Variants in IGF2BP3 observed in about 807,000 individuals in gnomAD.
IGF2BP3 encodes the protein insulin like growth factor 2 mRNA binding protein 3, also known as insulin-like growth factor 2 mRNA-binding protein 3.
In IGF2BP3, 9 loss-of-function variants were observed where a neutral mutation model predicts 73.8. That is an observed-to-expected ratio of 0.12 (90% CI 0.07 to 0.21). The LOEUF (loss-of-function observed/expected upper bound fraction) is 0.21, where lower values mean the gene tolerates loss of function less well. IGF2BP3 is among the 10% of genes least tolerant of loss of function. The probability of loss-of-function intolerance (pLI) is 1.00; values close to 1 mark genes in which losing one functional copy is unlikely to be tolerated. For missense variants in IGF2BP3, 542 were observed against 714.0 expected (o/e 0.76, Z 2.75); for synonymous variants, 258 against 256.7 (o/e 1.01, Z -0.05).
At chr7:23,407,295 A>G (rs1786864779) in intron 3 of IGF2BP3, among the ~76,000 whole-genome samples, 1 of 151,222 alleles carries the variant, frequency 6.6e-6, no homozygotes, top group South Asian at 2.1e-4. Flanking sequence ...TACTGAAGAT[A>G]TTGAATTTGA....
At chr7:23,388,838 C>T (rs1786175967) in intron 3 of IGF2BP3, among the ~76,000 whole-genome samples, 1 of 152,148 alleles carries the variant, frequency 6.6e-6, no homozygotes, top group African/African-American at 2.4e-5. Flanking sequence ...GAGACCTACA[C>T]ATAAATGTTC....
chr7:23,318,864 T>C (rs1401136746), intron 11 of IGF2BP3, among the ~76,000 whole-genome samples: 1 of 152,180 alleles, frequency 6.6e-6, no homozygotes, highest in African/African-American at 2.4e-5. Flanking sequence ...ACCAAGGCCG[T>C]ACCTGGGGAA....
chr7:23,430,999 G>A (rs922769180), intron 2 of IGF2BP3, among the ~76,000 whole-genome samples: 1 of 152,128 alleles, frequency 6.6e-6, no homozygotes, highest in African/African-American at 2.4e-5. Flanking sequence ...ACTGTTCACT[G>A]AAAAAAGTGC....
chr7:23,401,351 G>C (rs943687218), intron 3 of IGF2BP3, among the ~76,000 whole-genome samples: 2 of 152,146 alleles, frequency 1.3e-5, no homozygotes, highest in African/African-American at 4.8e-5. Context: ...GCAGCATCAT[G>C]AACTGCCGGG....
intron 2 of IGF2BP3, among the ~76,000 whole-genome samples, chr7:23,426,471 A>G (rs1000574936): frequency 2.6e-5 from 4 of 152,194 alleles, no homozygotes; most frequent in African/African-American, 9.6e-5. Context: ...GTATGTTCAA[A>G]TCAGTATTCA....
intron 3 of IGF2BP3, among the ~76,000 whole-genome samples, chr7:23,404,212 A>C (rs183575882): frequency 6.6e-6 from 1 of 152,232 alleles, no homozygotes; most frequent in East Asian, 1.9e-4. Context: ...GTGTGATATT[A>C]AGTTACTCTA....
At chr7:23,456,457 G>A (rs560576506) in intron 2 of IGF2BP3, among the ~76,000 whole-genome samples, 1 of 152,326 alleles carries the variant, frequency 6.6e-6, no homozygotes, top group South Asian at 2.1e-4. Context: ...AGTTTCTGAA[G>A]TAGGATGCAA....
intron 2 of IGF2BP3, among the ~76,000 whole-genome samples, chr7:23,433,508 A>C (rs369609215): frequency 3.4e-5 from 5 of 149,048 alleles, no homozygotes; most frequent in East Asian, 3.9e-4. Flanking sequence ...TTTTTGAGAC[A>C]GGGTTTTTGC....
chr7:23,423,945 T>G (rs1162872540), intron 2 of IGF2BP3, among the ~76,000 whole-genome samples: 1 of 151,274 alleles, frequency 6.6e-6, no homozygotes, highest in African/African-American at 2.4e-5. Flanking sequence ...TGGTGAAACC[T>G]CGTCTCTACT....
intron 2 of IGF2BP3, among the ~76,000 whole-genome samples, chr7:23,461,016 G>A (rs1788439111): frequency 6.6e-6 from 1 of 152,068 alleles, no homozygotes; most frequent in Non-Finnish European, 1.5e-5. Flanking sequence ...CTGAAAGAAA[G>A]GTTACATCCC....
intron 5 of IGF2BP3, among the ~76,000 whole-genome samples, chr7:23,352,363 A>G (rs1784986935): frequency 1.5e-5 from 2 of 134,988 alleles, no homozygotes; most frequent in East Asian, 4.3e-4. Context: ...ATCTTGGCTC[A>G]CTGCAACCTC....
intron 12 of IGF2BP3, among the ~76,000 whole-genome samples, chr7:23,315,018 G>A (rs1210643732): frequency 6.6e-6 from 1 of 152,180 alleles, no homozygotes; most frequent in East Asian, 1.9e-4. Context: ...GGCCAGGCTG[G>A]TCTTGAACTC....
intron 3 of IGF2BP3, among the ~76,000 whole-genome samples, chr7:23,373,143 C>T (rs1383866473): frequency 6.6e-6 from 1 of 152,190 alleles, no homozygotes; most frequent in East Asian, 1.9e-4. Context: ...TATTAACTCC[C>T]ATGTATCCCC....
rs1195063330 is a variant in IGF2BP3 at position 23,426,320 on chromosome 7, CAAAAAAAAAAA to C, written c.237-7507_237-7497del. Among the ~76,000 whole-genome samples the C allele has an allele frequency of 7.2e-4, 33 of 46,140 alleles. 1 individual carries two copies. The Admixed American group carries it at 7.2e-3, about 10-fold the overall frequency. 30.3% of individuals were successfully genotyped at this position (46,140 alleles called of 152,430 possible). On this transcript the variant is annotated intron_variant, in intron 2 of 14. Coordinates refer to ENST00000258729, the MANE Select transcript of IGF2BP3 (RefSeq NM_006547.3). The stretch of plus-strand genomic sequence containing the variant: ...GGGCAGTAAGAGCAAAATTCTGTCT[CAAAAAAAAAAA>C]AAAAAAAAAGGGGGGTGGGGCCAAA...
chr7:23,355,396 T>C (rs1001043031), intron 5 of IGF2BP3, among the ~76,000 whole-genome samples: 3 of 150,942 alleles, frequency 2.0e-5, no homozygotes, highest in African/African-American at 7.3e-5. Flanking sequence ...TAATTTTGTA[T>C]TTTTTTTTCT....
chr7:23,457,447 A>C (rs1338005585), intron 2 of IGF2BP3, among the ~76,000 whole-genome samples: 1 of 152,024 alleles, frequency 6.6e-6, no homozygotes, highest in African/African-American at 2.4e-5. Flanking sequence ...CCTGGGCGAG[A>C]CCAAGACCCT....
chr7:23,427,815 G>A (rs762488194), intron 2 of IGF2BP3, among the ~76,000 whole-genome samples: 3 of 152,088 alleles, frequency 2.0e-5, no homozygotes, highest in Non-Finnish European at 4.4e-5. Context: ...AGACCAGCCT[G>A]GCCAAGATGG....
chr7:23,332,800 A>G (rs181349097), intron 10 of IGF2BP3, among the ~76,000 whole-genome samples: 1 of 152,134 alleles, frequency 6.6e-6, no homozygotes, highest in African/African-American at 2.4e-5. Context: ...AACTGTGCTC[A>G]ATGTTAGCAT....
rs1788677897 is a variant in IGF2BP3 at position 23,470,012 on chromosome 7, G to A, written c.99C>T (p.Phe33=). The A allele has an allele frequency of 6.2e-7, 1 of 1,612,772 alleles. No homozygotes were observed. Among genetic ancestry groups the A allele is most frequent in the Non-Finnish European group, 8.5e-7 (1 of 1,179,740 alleles). The change falls in exon 1 of 15, where the codon TTC becomes TTT. Residue 33 remains phenylalanine, a synonymous_variant. Coordinates refer to ENST00000258729, the MANE Select transcript of IGF2BP3 (RefSeq NM_006547.3). ...KDAKIPVSGP[F]LVKTGYAFVD... ...CGAACGCGTAGCCAGTCTTCACCAG[G>A]AAGGGTCCCGACACCGGGATCTTGG...
Sources: gnomAD v4.1 joint callset for allele counts (sites outside exome capture counted in the v4.1 genomes callset) on GRCh38, gnomAD v4.1.1 for gene constraint, MANE v1.5 for transcripts, NCBI Gene and HGNC (gene_info 2026-07-23, HGNC 2026-07-21) for gene names.